PHF14: variants seen among roughly 807,000 people sequenced by gnomAD.
PHF14 encodes the protein PHD finger protein 14.
PHF14 carries 55 observed loss-of-function variants against 117.9 expected under a neutral mutation model. That is an observed-to-expected ratio of 0.47 (90% CI 0.38 to 0.58). The LOEUF is 0.58. Among genes scored for constraint, PHF14 ranks in the 20% least tolerant of loss-of-function variants. The probability of loss-of-function intolerance (pLI) is 0.00; values close to 1 mark genes in which losing one functional copy is unlikely to be tolerated. For synonymous variants in PHF14, 409 were observed against 368.6 expected, an observed-to-expected ratio of 1.11 and a Z score of -1.26; for missense variants, 978 against 1,122.2, an observed-to-expected ratio of 0.87 and a Z score of 1.84.
At chr7:11,113,956 C>T (rs1480278106) in intron 17 of PHF14, among the ~76,000 whole-genome samples, 1 of 152,024 alleles carries the variant, frequency 6.6e-6, no homozygotes, top group Non-Finnish European at 1.5e-5. Context: ...AGTTCATATG[C>T]TTTGCTTTAT....
chr7:11,062,236 C>A, intron 16 of PHF14, 151 bp downstream of exon 16: 1 of 549,172 alleles, frequency 1.8e-6, no homozygotes, highest in Non-Finnish European at 3.1e-6. Context: ...ATTTCATCCA[C>A]TTCTTAACCT....
intron 16 of PHF14, among the ~76,000 whole-genome samples, chr7:11,074,651 C>A (rs373038057): frequency 5.9e-5 from 9 of 152,330 alleles, no homozygotes; most frequent in East Asian, 3.9e-4. Context: ...TAAGTTCAAA[C>A]TTCCATAGAT....
intron 3 of PHF14, among the ~76,000 whole-genome samples, chr7:10,989,386 G>A (rs1782363349): frequency 6.6e-6 from 1 of 152,026 alleles, no homozygotes; most frequent in East Asian, 1.9e-4. Context: ...AATATATATT[G>A]TGTATTGTAT....
intron 16 of PHF14, among the ~76,000 whole-genome samples, chr7:11,084,343 T>C (rs1044502789): frequency 4.6e-5 from 7 of 152,204 alleles, no homozygotes; most frequent in Admixed American, 4.6e-4. Context: ...GTTATTTTCT[T>C]CTTACATCCT....
intron 4 of PHF14, chr7:11,006,900 C>CG: frequency 2.0e-6 from 1 of 511,812 alleles, no homozygotes; most frequent in Non-Finnish European, 3.7e-6. Context: ...CTTGTCCTGG[C>CG]GCGGTGGCTC....
chr7:11,128,519 T>A (rs1273237198), intron 17 of PHF14, among the ~76,000 whole-genome samples: 1 of 151,966 alleles, frequency 6.6e-6, no homozygotes, highest in East Asian at 1.9e-4. Context: ...TTTTTCCCAG[T>A]CACTCTTTGG....
chr7:11,160,868 G>T (rs1789004185), intron 17 of PHF14, among the ~76,000 whole-genome samples: 1 of 152,074 alleles, frequency 6.6e-6, no homozygotes, highest in Non-Finnish European at 1.5e-5. Context: ...TAGGTTGTCT[G>T]TTTACTCTGT....
At chr7:11,015,398 A>G (rs570455826) in intron 5 of PHF14, among the ~76,000 whole-genome samples, 78 of 152,242 alleles carry the variant, frequency 5.1e-4, no homozygotes, top group Non-Finnish European at 9.6e-4. Context: ...CTTATTGTCT[A>G]TCCAAAAATA....
intron 17 of PHF14, among the ~76,000 whole-genome samples, chr7:11,151,117 T>C (rs1347413805): frequency 6.6e-6 from 1 of 152,178 alleles, no homozygotes; most frequent in African/African-American, 2.4e-5. Flanking sequence ...AATTTAAATT[T>C]TCTGAGTAAT....
chr7:10,987,567 C>T (rs772922799), intron 3 of PHF14, among the ~76,000 whole-genome samples: 1 of 151,976 alleles, frequency 6.6e-6, no homozygotes, highest in Non-Finnish European at 1.5e-5. Context: ...TATTCATATA[C>T]TGTCATTTAT....
intron 4 of PHF14, among the ~76,000 whole-genome samples, chr7:11,012,711 A>G (rs940192335): frequency 1.3e-5 from 2 of 152,238 alleles, no homozygotes; most frequent in Non-Finnish European, 2.9e-5. Flanking sequence ...CCTAAATAAT[A>G]TGATGAACTC....
At chr7:11,096,080 A>G (rs1168381815) in intron 16 of PHF14, among the ~76,000 whole-genome samples, 2 of 152,102 alleles carry the variant, frequency 1.3e-5, no homozygotes, top group Non-Finnish European at 2.9e-5. Context: ...ATTTTAAATA[A>G]GGAATAAAGA....
intron 17 of PHF14, among the ~76,000 whole-genome samples, chr7:11,147,094 C>T (rs571686805): frequency 6.6e-6 from 1 of 152,240 alleles, no homozygotes; most frequent in African/African-American, 2.4e-5. Flanking sequence ...GAGATCTGCC[C>T]ACCTCGGCTT....
intron 16 of PHF14, among the ~76,000 whole-genome samples, chr7:11,076,255 C>T (rs1785845658): frequency 1.3e-5 from 2 of 152,198 alleles, no homozygotes; most frequent in African/African-American, 4.8e-5. Flanking sequence ...GTAAAACTTT[C>T]TTTGATAAAT....
At chr7:11,159,902 C>T (rs1162152128) in intron 17 of PHF14, among the ~76,000 whole-genome samples, 1 of 152,150 alleles carries the variant, frequency 6.6e-6, no homozygotes, top group Non-Finnish European at 1.5e-5. Context: ...CTTCTATCAA[C>T]TTAATAAAAA....
At chr7:11,138,262 C>T (rs954686524) in intron 17 of PHF14, among the ~76,000 whole-genome samples, 45 of 151,816 alleles carry the variant, frequency 3.0e-4, no homozygotes, top group African/African-American at 8.2e-4. Context: ...AGGATGGTCT[C>T]GATCTCCTGA....
intron 4 of PHF14, among the ~76,000 whole-genome samples, chr7:10,992,418 T>C (rs1165293997): frequency 2.0e-5 from 3 of 150,568 alleles, no homozygotes; most frequent in African/African-American, 7.3e-5. Context: ...ATCCCAGCAC[T>C]TTGGGAGGCC....
intron 16 of PHF14, among the ~76,000 whole-genome samples, chr7:11,065,099 C>T (rs951960125): frequency 6.6e-6 from 1 of 151,898 alleles, no homozygotes; most frequent in Non-Finnish European, 1.5e-5. Context: ...GGAAATTTGT[C>T]ATTACATGTT....
intron 17 of PHF14, among the ~76,000 whole-genome samples, chr7:11,118,522 TA>T (rs546377451): frequency 7.6e-4 from 114 of 149,900 alleles, no homozygotes; most frequent in Middle Eastern, 3.4e-3. Context: ...TACTTTGCTT[TA>T]AAAAAAAAAT....
Sources: allele counts gnomAD v4.1 joint callset (sites outside exome capture counted in the v4.1 genomes callset), GRCh38; gene constraint gnomAD v4.1.1; transcripts MANE v1.5; gene names NCBI Gene and HGNC (gene_info 2026-07-23, HGNC 2026-07-21).